PPP2R5A: variants seen among roughly 807,000 people sequenced by gnomAD.
The protein encoded by PPP2R5A is protein phosphatase 2 regulatory subunit B'alpha.
Under a neutral mutation model 64.2 loss-of-function variants are expected in PPP2R5A, and 25 were observed. The ratio of observed to expected loss-of-function variants is 0.39; its 90% confidence interval spans 0.28 to 0.54. The LOEUF (loss-of-function observed/expected upper bound fraction) is 0.54. Ranked by LOEUF, PPP2R5A falls within the 20% of genes least tolerant of loss-of-function variation. The probability of loss-of-function intolerance (pLI) is 0.67; values close to 1 mark genes in which losing one functional copy is unlikely to be tolerated. For missense variants in PPP2R5A, 425 were observed against 576.3 expected (o/e 0.74, Z 2.69); for synonymous variants, 198 against 201.2 (o/e 0.98, Z 0.13).
chr1:212,332,659 G>A (rs894676430), intron 2 of PPP2R5A, among the ~76,000 whole-genome samples: 1 of 152,040 alleles, frequency 6.6e-6, no homozygotes, highest in Non-Finnish European at 1.5e-5. Flanking sequence ...AACAGTGAAG[G>A]CATTCTACCC....
intron 1 of PPP2R5A, among the ~76,000 whole-genome samples, chr1:212,325,522 A>T (rs1659390300): frequency 1.3e-5 from 2 of 152,046 alleles, no homozygotes; most frequent in Non-Finnish European, 2.9e-5. Flanking sequence ...TTGAAGTGGG[A>T]TCTTGTGTGA....
chr1:212,302,669 T>C (rs145166320), intron 1 of PPP2R5A, among the ~76,000 whole-genome samples: 3 of 152,354 alleles, frequency 2.0e-5, no homozygotes, highest in African/African-American at 7.2e-5. Flanking sequence ...TTCACAGACA[T>C]GTGCAACTAC....
chr1:212,320,427 T>C (rs1045168839), intron 1 of PPP2R5A, among the ~76,000 whole-genome samples: 4 of 152,134 alleles, frequency 2.6e-5, no homozygotes, highest in African/African-American at 9.7e-5. Flanking sequence ...AAACCGCCAT[T>C]GTCATCATGG....
intron 12 of PPP2R5A, among the ~76,000 whole-genome samples, chr1:212,360,371 A>G (rs1355451233): frequency 6.6e-6 from 1 of 152,230 alleles, no homozygotes; most frequent in Non-Finnish European, 1.5e-5. Context: ...TGTTGACTAT[A>G]AAGTACAGTG....
At chr1:212,297,027 A>G (rs894850134) in intron 1 of PPP2R5A, among the ~76,000 whole-genome samples, 22 of 151,568 alleles carry the variant, frequency 1.5e-4, no homozygotes, top group African/African-American at 5.1e-4. Flanking sequence ...TTACAGTGCA[A>G]CAGAGAAATA....
In PPP2R5A at chr1:212,285,647, C is replaced by T. The variant is rs1182173963; in HGVS notation, c.-464C>T. 6.5e-6 allele frequency: 1 copy of T among 153,496 alleles called. No individual in the cohort carries two copies. The highest frequency in any genetic ancestry group is 1.9e-4 in the East Asian group (1 of 5,208). 9.5% of individuals were successfully genotyped at this position (153,496 alleles called of 1,614,324 possible). ...CCGAGGGGACCCGCGATGGCAGCGC[C>T]CTGAGAGGAGGCTCCAGGCAGGGCG... On this transcript the variant is annotated 5_prime_UTR_variant, in exon 1 of 13. Transcript: ENST00000261461.
chr1:212,297,611 C>T (rs1424594270), intron 1 of PPP2R5A: 1 of 152,084 alleles, frequency 6.6e-6, no homozygotes. Flanking sequence ...GCAAGTAAGC[C>T]AGTATTGAAC....
intron 3 of PPP2R5A, among the ~76,000 whole-genome samples, chr1:212,338,420 T>A (rs1659625776): frequency 6.6e-6 from 1 of 152,228 alleles, no homozygotes; most frequent in African/African-American, 2.4e-5. Context: ...TTTGCAACAC[T>A]GTTTCTTAGA....
chr1:212,317,810 A>G (rs772113063), intron 1 of PPP2R5A, among the ~76,000 whole-genome samples: 48 of 152,044 alleles, frequency 3.2e-4, no homozygotes, highest in Non-Finnish European at 6.0e-4. Context: ...AGATGGTGAA[A>G]CCTCGTCTCT....
At chr1:212,356,700 G>A (rs1659983163) in intron 9 of PPP2R5A, 24 bp downstream of exon 9, 3 of 1,606,126 alleles carry the variant, frequency 1.9e-6, no homozygotes, top group African/African-American at 2.7e-5. Context: ...ACTAAATGTA[G>A]TGCATTTTAC....
intron 12 of PPP2R5A, among the ~76,000 whole-genome samples, chr1:212,360,195 G>A (rs1015635965): frequency 2.6e-5 from 4 of 152,186 alleles, no homozygotes; most frequent in African/African-American, 7.2e-5. Flanking sequence ...CTGGTTAGTG[G>A]CTAGAGATGT....
intron 1 of PPP2R5A, among the ~76,000 whole-genome samples, chr1:212,297,094 T>C (rs12069850): frequency 0.11 from 13,188 of 120,020 alleles, 1,632 homozygotes; most frequent in African/African-American, 0.33. Flanking sequence ...TCTTTGCTTC[T>C]TCTTTTTTTT....
rs1659541039 is a variant in PPP2R5A at position 212,333,433 on chromosome 1, G to A, written c.379-64G>A. 5.7e-6 allele frequency: 6 copies of A among 1,057,746 alleles called. No homozygotes were observed. The South Asian group carries it at 6.7e-5, about 12-fold the overall frequency. The allele number at this position is 1,057,746 out of a possible 1,614,324, so 65.5% of individuals were successfully genotyped here. On this transcript the variant is annotated intron_variant, in intron 2 of 12. Coordinates refer to ENST00000261461, the MANE Select transcript of PPP2R5A (RefSeq NM_006243.4). ...CTGAAAGTGATCTTTAAAATACTTC[G>A]TTTTGAATTGTCCAATTCAATTACA...
intron 1 of PPP2R5A, chr1:212,302,097 G>C: frequency 2.0e-6 from 3 of 1,512,588 alleles, no homozygotes; most frequent in East Asian, 4.9e-5. Context: ...TAATGAGTAT[G>C]TATATTAAGA....
chr1:212,330,024 T>G (rs1165001105), intron 2 of PPP2R5A, among the ~76,000 whole-genome samples: 1 of 151,782 alleles, frequency 6.6e-6, no homozygotes, highest in Non-Finnish European at 1.5e-5. Flanking sequence ...GGTAAGGGAG[T>G]CAGGTATAAC....
chr1:212,311,504 A>G (rs1659032618), intron 1 of PPP2R5A, among the ~76,000 whole-genome samples: 1 of 152,292 alleles, frequency 6.6e-6, no homozygotes, highest in South Asian at 2.1e-4. Flanking sequence ...ACAATTATGT[A>G]CAATACATAA....
intron 3 of PPP2R5A, among the ~76,000 whole-genome samples, chr1:212,341,514 G>A (rs1464019774): frequency 6.6e-6 from 1 of 152,114 alleles, no homozygotes; most frequent in African/African-American, 2.4e-5. Flanking sequence ...ATTGAGGTAG[G>A]TAGTAGTCCA....
intron 1 of PPP2R5A, among the ~76,000 whole-genome samples, chr1:212,307,720 T>C (rs1658946781): frequency 6.6e-6 from 1 of 152,230 alleles, no homozygotes; most frequent in African/African-American, 2.4e-5. Flanking sequence ...TTTCAAGCTA[T>C]CATTGGTGGT....
Position 212,361,615 on chromosome 1 carries a change from C to T in PPP2R5A, c.*845C>T, listed in dbSNP as rs1660084313. On this transcript the variant is annotated 3_prime_UTR_variant, in exon 13 of 13. Transcript: ENST00000261461. ...AGTCCCACAGTGTGGTGATACAGAG[C>T]ACTAGTTGTCACTGCCTGGCTTTAT... is the stretch of plus-strand genomic sequence containing the variant. 6.5e-6 allele frequency: 1 copy of T among 152,694 alleles called. No homozygotes were observed. Among genetic ancestry groups the T allele is most frequent in the South Asian group, 2.1e-4 (1 of 4,832 alleles). 9.5% of individuals were successfully genotyped at this position (152,694 alleles called of 1,614,324 possible). A position where few individuals can be genotyped will look rare whatever the true frequency, so the allele number is the denominator to read the frequency against.
Sources: allele counts gnomAD v4.1 joint callset (sites outside exome capture counted in the v4.1 genomes callset), GRCh38; gene constraint gnomAD v4.1.1; transcripts MANE v1.5; gene names NCBI Gene and HGNC (gene_info 2026-07-23, HGNC 2026-07-21).